Variants in CDK18 observed in about 807,000 individuals in gnomAD.
CDK18 encodes the protein cyclin dependent kinase 18, also known as cyclin-dependent kinase 18.
A neutral mutation model predicts 62.0 loss-of-function variants in CDK18; 52 were observed. That is an observed-to-expected ratio of 0.84 (90% CI 0.67 to 1.06). CDK18 has a LOEUF of 1.06. Ranked by LOEUF, CDK18 falls within the 50% of genes least tolerant of loss-of-function variation. The pLI, the probability that CDK18 is intolerant of heterozygous loss-of-function variation, is 0.00. For missense variants in CDK18, 604 were observed against 619.9 expected (o/e 0.97, Z 0.27); for synonymous variants, 237 against 247.0 (o/e 0.96, Z 0.38).
intron 6 of CDK18, 63 bp downstream of exon 6, chr1:205,526,242 C>A: frequency 6.6e-7 from 1 of 1,519,030 alleles, no homozygotes; most frequent in Non-Finnish European, 9.1e-7. Context: ...CACCAGCCTG[C>A]ACCCTTGTGG....
At position 205,510,324 on chromosome 1, in the gene CDK18, C is replaced by T. The variant is rs576425825; in HGVS notation, c.-22+5528C>T. Among the ~76,000 whole-genome samples, 7 of 152,262 alleles carry T rather than the reference C, an allele frequency of 4.6e-5. No homozygotes were observed. In the East Asian group the frequency reaches 1.4e-3, roughly 29 times the overall value. On this transcript the variant is annotated intron_variant, in intron 1 of 15. Transcript: ENST00000429964. Reference sequence around the variant, plus strand: ...CCCAGGAGGTGACAGGGCTGTCCTTCCCACATCCTGGCAGGACCCACTGCC... The same window carrying T: ...CCCAGGAGGTGACAGGGCTGTCCTTTCCACATCCTGGCAGGACCCACTGCC...
chr1:205,527,289 G>T lies in CDK18; in HGVS notation c.729+452G>T. 1 of 219,812 alleles carries T rather than the reference G, an allele frequency of 4.5e-6. No homozygotes were observed. The highest frequency in any genetic ancestry group is 9.0e-6 in the Non-Finnish European group (1 of 110,514). The allele number at this position is 219,812 out of a possible 1,614,324, so 13.6% of individuals were successfully genotyped here. On this transcript the variant is annotated intron_variant, in intron 8 of 15. Coordinates refer to ENST00000429964, the MANE Select transcript of CDK18 (RefSeq NM_212502.3). This position sits in a 1 kb window ranked among gnomAD's most constrained non-coding sequence, Gnocchi z 4.1. ...AGCCCAGGAGTTTGAGACCAGCCTG[G>T]GCAACATGGCAAGACCTCATCTCTA...
At chr1:205,505,978 C>T (rs570644181) in intron 1 of CDK18, among the ~76,000 whole-genome samples, 2 of 152,346 alleles carry the variant, frequency 1.3e-5, no homozygotes, top group Non-Finnish European at 2.9e-5. Context: ...GCTTGCCCCT[C>T]CTGTGTCAGC....
At chr1:205,526,674 G>A (rs567463291) in intron 7 of CDK18, 101 bp from the exon 8 acceptor site, 12 of 1,188,978 alleles carry the variant, frequency 1.0e-5, no homozygotes, top group East Asian at 4.7e-5. Context: ...ACTAGTGGGC[G>A]TGGGCCCTTC....
intron 1 of CDK18, among the ~76,000 whole-genome samples, chr1:205,510,287 C>T (rs927566499): frequency 6.6e-6 from 1 of 152,094 alleles, no homozygotes; most frequent in Non-Finnish European, 1.5e-5. Flanking sequence ...CCCTGGGCTG[C>T]GGGGTGACCA....
chr1:205,526,290 C>G, intron 6 of CDK18, 77 bp from the exon 7 acceptor site: 3 of 1,479,856 alleles, frequency 2.0e-6, no homozygotes, highest in Non-Finnish European at 2.8e-6. Flanking sequence ...AATGGGACTC[C>G]TGGCGCTGAC....
At chr1:205,511,156 T>G (rs1667548510) in intron 1 of CDK18, among the ~76,000 whole-genome samples, 1 of 152,234 alleles carries the variant, frequency 6.6e-6, no homozygotes, top group African/African-American at 2.4e-5. Flanking sequence ...CTAAGAATGA[T>G]TTTTACATTT....
At chr1:205,526,946 C>T in intron 8 of CDK18, 109 bp downstream of exon 8, 3 of 854,448 alleles carry the variant, frequency 3.5e-6, no homozygotes, top group Non-Finnish European at 5.9e-6. Context: ...GTGGCTCAGA[C>T]CTTCCCACGT....
At chr1:205,511,003 C>G (rs1667541540) in intron 1 of CDK18, among the ~76,000 whole-genome samples, 1 of 152,222 alleles carries the variant, frequency 6.6e-6, no homozygotes, top group South Asian at 2.1e-4. Flanking sequence ...TGCCTCAGCC[C>G]TGTCAATTAG....
rs763464584 is a variant in CDK18 at position 205,523,568 on chromosome 1, G to C, written c.216G>C (p.Gln72His). The C allele has an allele frequency of 2.3e-5, 37 of 1,600,252 alleles. No individual in the cohort carries two copies. Among genetic ancestry groups the C allele is most frequent in the Admixed American group, 3.4e-5 (2 of 58,134 alleles). Reference sequence around the variant, plus strand: ...CAGACAGCGGGGAGGAGCCGGGGCAGCTCTCCCCTGGCGTGCAGTTCCAGC... The same window carrying C: ...CAGACAGCGGGGAGGAGCCGGGGCACCTCTCCCCTGGCGTGCAGTTCCAGC... ...SPTDSGEEPG[Q>H]LSPGVQFQRR... Residue 72 changes from glutamine to histidine, a missense_variant, in exon 3 of 16, where the codon CAG becomes CAC. Transcript: ENST00000429964.
chr1:205,522,830 A>C (rs1668202885), intron 1 of CDK18: 1 of 201,902 alleles, frequency 5.0e-6, no homozygotes, highest in Non-Finnish European at 1.0e-5. Context: ...TCCTCTTTGC[A>C]CATCATGCCT....
rs368482220 is a variant in CDK18 at position 205,525,202 on chromosome 1, C to T, written c.456+7C>T. On this transcript the variant is annotated splice_region_variant and intron_variant, in intron 5 of 15. Transcript: ENST00000429964. ...ACTGGACAAACTGGGAGAGGTAAGA[C>T]GCTGGGTTTGGTCTTCTCCGAATAG... is the stretch of plus-strand genomic sequence containing the variant. 228 of 1,607,056 alleles carry T rather than the reference C, an allele frequency of 1.4e-4. No individual in the cohort carries two copies. The highest frequency in any genetic ancestry group is 3.1e-4 in the South Asian group (28 of 90,470).
chr1:205,507,257 C>G (rs1667350688), intron 1 of CDK18, among the ~76,000 whole-genome samples: 1 of 152,156 alleles, frequency 6.6e-6, no homozygotes, highest in East Asian at 1.9e-4. Flanking sequence ...GCTATGTGAC[C>G]TTCCCCTCAC....
chr1:205,520,949 A>G (rs980600096), intron 1 of CDK18, among the ~76,000 whole-genome samples: 11 of 152,182 alleles, frequency 7.2e-5, no homozygotes, highest in African/African-American at 2.4e-4. Flanking sequence ...AGAGTCCTGC[A>G]GACAGCAGGC....
chr1:205,504,903 GCAGTTTTGCT>G (rs1199839443), intron 1 of CDK18, 107 bp downstream of exon 1: 14 of 152,320 alleles, frequency 9.2e-5, no homozygotes, highest in African/African-American at 2.7e-4. Flanking sequence ...TCTTAAAGGC[GCAGTTTTGCT>G]TTTGCCCTGA....
At chr1:205,515,497 G>A (rs994141092) in intron 1 of CDK18, among the ~76,000 whole-genome samples, 1 of 152,094 alleles carries the variant, frequency 6.6e-6, no homozygotes, top group Non-Finnish European at 1.5e-5. Flanking sequence ...ATTTTAAATG[G>A]GCAAGCGACA....
rs950581655 is a variant in CDK18, at chr1:205,528,811, C to T, written c.975-188C>T. On this transcript the variant is annotated intron_variant, in intron 10 of 15. Transcript: ENST00000429964. The surrounding 1 kb of genome is among the most constrained non-coding windows in gnomAD (Gnocchi z 4.2). The stretch of plus-strand genomic sequence containing the variant: ...GCTTTCCCGAGCCCAGGGAAGCCCC[C>T]CAGAGAGGGGCTGTAGTGGGGGCTG... The T allele has an allele frequency of 4.2e-6, 2 of 481,898 alleles. No homozygotes were observed. Among genetic ancestry groups the T allele is most frequent in the Non-Finnish European group, 7.4e-6 (2 of 271,532 alleles). 29.9% of individuals were successfully genotyped at this position (481,898 alleles called of 1,614,324 possible).
chr1:205,526,936 G>C (rs1668465824), intron 8 of CDK18, 99 bp downstream of exon 8: 1 of 990,392 alleles, frequency 1.0e-6, no homozygotes, highest in East Asian at 2.4e-5. Context: ...GGCTGCTGAG[G>C]TGGCTCAGAC....
intron 6 of CDK18, 23 bp from the exon 7 acceptor site, chr1:205,526,344 C>G (rs1200283123): frequency 2.5e-6 from 4 of 1,600,568 alleles, no homozygotes; most frequent in Non-Finnish European, 3.4e-6. Context: ...CCTAGGGACC[C>G]AGGTGGATCT....
Sources: gnomAD v4.1 joint callset for allele counts (sites outside exome capture counted in the v4.1 genomes callset) on GRCh38, gnomAD v4.1.1 for gene constraint, Gnocchi (gnomAD v3.1) non-coding constraint, MANE v1.5 for transcripts, NCBI Gene and HGNC (gene_info 2026-07-23, HGNC 2026-07-21) for gene names.